Variants in CHL1 observed in about 807,000 individuals in gnomAD.
The protein encoded by CHL1 is neural cell adhesion molecule L1-like protein.
CHL1 carries 96 observed loss-of-function variants against 141.9 expected under a neutral mutation model. That is an observed-to-expected ratio of 0.68 (90% CI 0.57 to 0.80). The LOEUF (loss-of-function observed/expected upper bound fraction) is 0.80, where lower values mean the gene tolerates loss of function less well. CHL1 is among the 30% of genes least tolerant of loss of function. CHL1 has a pLI of 0.00. For synonymous variants in CHL1, 613 were observed against 502.2 expected (o/e 1.22, Z -2.95); for missense variants, 1,820 against 1,457.2 (o/e 1.25, Z -4.05).
intron 1 of CHL1, among the ~76,000 whole-genome samples, chr3:218,666 C>G (rs577345738): frequency 6.6e-6 from 1 of 152,196 alleles, no homozygotes; most frequent in African/African-American, 2.4e-5. Context: ...ACTTTCAAAT[C>G]TATGTGAAAT....
At position 236,957 on chromosome 3, in the gene CHL1, CAGTT is replaced by C. The variant is rs1574811729; in HGVS notation, c.-174-7649_-174-7646del. 2.6e-5 allele frequency among the ~76,000 whole-genome samples: 4 copies of C among 152,148 alleles called. No homozygotes were observed. The East Asian group carries it at 5.8e-4, about 22-fold the overall frequency. Reference sequence around the variant, plus strand: ...GTCGTGGATAAGGATTCTGAGGCCCCAGTTAGTTAGGAAACACGTCATTAATAGG... The same window carrying C: ...GTCGTGGATAAGGATTCTGAGGCCCCAGTTAGGAAACACGTCATTAATAGG... On this transcript the variant is annotated intron_variant, in intron 1 of 27. Transcript: ENST00000256509.
At chr3:261,512 T>A (rs1332976872) in intron 2 of CHL1, among the ~76,000 whole-genome samples, 3 of 152,220 alleles carry the variant, frequency 2.0e-5, no homozygotes, top group Admixed American at 2.0e-4. Context: ...TATCTTTAAA[T>A]TTTATATTCA....
intron 27 of CHL1, 22 bp from the exon 28 acceptor site, chr3:405,472 AT>A: frequency 1.3e-6 from 2 of 1,493,500 alleles, no homozygotes. Context: ...TTGTTGAGCT[AT>A]TTTTGTTTGT....
chr3:291,194 A>G (rs2125340083), intron 2 of CHL1, among the ~76,000 whole-genome samples: 1 of 152,118 alleles, frequency 6.6e-6, no homozygotes, highest in East Asian at 1.9e-4. Flanking sequence ...GTTGGTTAAC[A>G]AAAAGGAACT....
chr3:322,984 T>A (rs1008422712), intron 3 of CHL1, among the ~76,000 whole-genome samples: 1 of 152,046 alleles, frequency 6.6e-6, no homozygotes, highest in Non-Finnish European at 1.5e-5. Context: ...TTGGAATACA[T>A]ACTTTCTAAC....
At chr3:257,119 T>C (rs1314466301) in intron 2 of CHL1, among the ~76,000 whole-genome samples, 1 of 152,178 alleles carries the variant, frequency 6.6e-6, no homozygotes, top group Non-Finnish European at 1.5e-5. Context: ...GCATTAGCTT[T>C]GTTTAGTTCA....
At chr3:237,306 T>G (rs1692089665) in intron 1 of CHL1, among the ~76,000 whole-genome samples, 1 of 152,204 alleles carries the variant, frequency 6.6e-6, no homozygotes, top group Non-Finnish European at 1.5e-5. Context: ...AGATGTCCCT[T>G]GCTTCCCCTT....
At chr3:325,809 C>G (rs543301274) in intron 3 of CHL1, 150 bp from the exon 4 acceptor site, 33 of 508,708 alleles carry the variant, frequency 6.5e-5, no homozygotes, top group African/African-American at 5.6e-4. Context: ...GTACATGTTG[C>G]AAAGAGAGAG....
At chr3:344,466 A>AGC in intron 8 of CHL1, 123 bp from the exon 9 acceptor site, 1 of 562,060 alleles carries the variant, frequency 1.8e-6, no homozygotes. Flanking sequence ...ATGTGTATAG[A>AGC]ACACACACAC....
At chr3:402,139 A>G (rs776917264) in intron 27 of CHL1, among the ~76,000 whole-genome samples, 2 of 152,262 alleles carry the variant, frequency 1.3e-5, no homozygotes, top group African/African-American at 2.4e-5. Context: ...TATCCTATAT[A>G]TGCAAATGAC....
chr3:353,922 T>A (rs1309726782), intron 10 of CHL1, among the ~76,000 whole-genome samples: 1 of 152,114 alleles, frequency 6.6e-6, no homozygotes. Flanking sequence ...AAACATAGAG[T>A]TATAAAAACA....
At chr3:227,151 A>G (rs1180650910) in intron 1 of CHL1, among the ~76,000 whole-genome samples, 1 of 152,212 alleles carries the variant, frequency 6.6e-6, no homozygotes, top group African/African-American at 2.4e-5. Context: ...CTTTTACTCT[A>G]GTAACTACCA....
chr3:216,593 C>T (rs1700343932), intron 1 of CHL1, among the ~76,000 whole-genome samples: 1 of 152,140 alleles, frequency 6.6e-6, no homozygotes, highest in African/African-American at 2.4e-5. Context: ...GTGGCTTTAC[C>T]AAAAGTATCT....
At position 359,961 on chromosome 3, in the gene CHL1, T is replaced by C. The variant is rs1704069078; in HGVS notation, c.1166-323T>C. ...GTCTAAATTCAGAAGAGTAACAGAG[T>C]GTCACTTCATCATAGGTCTTGAATG... On this transcript the variant is annotated intron_variant, in intron 11 of 27. Transcript: ENST00000256509. 2.6e-5 allele frequency among the ~76,000 whole-genome samples: 4 copies of C among 152,042 alleles called. No homozygotes were observed. In the South Asian group the frequency reaches 8.3e-4, roughly 32 times the overall value.
At chr3:404,629 T>C (rs888949769) in intron 27 of CHL1, among the ~76,000 whole-genome samples, 4 of 152,156 alleles carry the variant, frequency 2.6e-5, no homozygotes, top group Admixed American at 2.0e-4. Flanking sequence ...CAAACTTGAA[T>C]TGTTAACTAT....
At position 382,252 on chromosome 3, in the gene CHL1, T is replaced by G. The variant is rs138616740; in HGVS notation, c.1950T>G (p.Ala650=). Residue 650 remains alanine, a synonymous_variant, in exon 17 of 28, where the codon GCT becomes GCG. Transcript: ENST00000256509. ...GGAGTGTTCGGCTGACCTGGGAAGC[T>G]GGAGCTGACCACAACAGCAATATTA... is the stretch of plus-strand genomic sequence containing the variant. ...QNRSVRLTWE[A]GADHNSNISE... 58 of 1,613,642 alleles carry G rather than the reference T, an allele frequency of 3.6e-5. No individual in the cohort carries two copies. The highest frequency in any genetic ancestry group is 4.6e-5 in the Non-Finnish European group (54 of 1,179,734).
At chr3:354,433 GCACA>G (rs3836376) in intron 10 of CHL1, among the ~76,000 whole-genome samples, 123,527 of 149,414 alleles carry the variant, frequency 0.83, 54,989 homozygotes, top group Non-Finnish European at 0.99. Flanking sequence ...TTAAACACAA[GCACA>G]CACACACACA....
At chr3:378,847 CT>C (rs1418892938) in intron 16 of CHL1, among the ~76,000 whole-genome samples, 3 of 152,180 alleles carry the variant, frequency 2.0e-5, no homozygotes, top group Non-Finnish European at 4.4e-5. Context: ...CACACCCAAC[CT>C]ACTGAACATC....
At chr3:319,949 G>A (rs756027214) in intron 3 of CHL1, 82 bp downstream of exon 3, 1 of 736,140 alleles carries the variant, frequency 1.4e-6, no homozygotes, top group Admixed American at 2.6e-5. Flanking sequence ...ATGGATTGAG[G>A]ATGTGACTTT....
Sources: gnomAD v4.1 joint callset for allele counts (sites outside exome capture counted in the v4.1 genomes callset) on GRCh38, gnomAD v4.1.1 for gene constraint, MANE v1.5 for transcripts, NCBI Gene and HGNC (gene_info 2026-07-23, HGNC 2026-07-21) for gene names.